The following PHACTR1 variants were observed in gnomAD, a reference collection of about 807,000 sequenced individuals.
PHACTR1 encodes the protein phosphatase and actin regulator 1, also known as RPEL repeat containing 1.
Under a neutral mutation model 69.2 loss-of-function variants are expected in PHACTR1, and 16 were observed. The observed-to-expected ratio is 0.23, with a 90% CI of 0.16 to 0.35. The LOEUF (loss-of-function observed/expected upper bound fraction) is 0.35. Among genes scored for constraint, PHACTR1 ranks in the 10% least tolerant of loss-of-function variants. PHACTR1 has a pLI of 1.00. For synonymous variants in PHACTR1, 312 were observed against 284.5 expected (o/e 1.10, Z -0.97); for missense variants, 510 against 734.7 (o/e 0.69, Z 3.54).
chr6:13,251,243 C>T (rs957588554), intron 10 of PHACTR1, among the ~76,000 whole-genome samples: 3 of 152,148 alleles, frequency 2.0e-5, no homozygotes, highest in Non-Finnish European at 4.4e-5. Context: ...CATAGGCGGG[C>T]GCTCTCCTAG....
chr6:13,256,722 C>A (rs1010656067), intron 10 of PHACTR1, among the ~76,000 whole-genome samples: 1 of 152,212 alleles, frequency 6.6e-6, no homozygotes, highest in African/African-American at 2.4e-5. Flanking sequence ...ACAGAAGTGA[C>A]CTTTGCCCCA....
chr6:12,850,355 T>C (rs1779712250), intron 4 of PHACTR1, among the ~76,000 whole-genome samples: 3 of 152,266 alleles, frequency 2.0e-5, no homozygotes, highest in Admixed American at 2.0e-4. Flanking sequence ...CGCGTGCAGA[T>C]GCAAAGTCCT....
chr6:13,068,904 T>G (rs1490843521), intron 5 of PHACTR1, among the ~76,000 whole-genome samples: 1 of 152,082 alleles, frequency 6.6e-6, no homozygotes, highest in Non-Finnish European at 1.5e-5. Flanking sequence ...TGGAGCGACC[T>G]TCTACTTTAC....
chr6:12,735,244 C>T (rs476337), intron 3 of PHACTR1, among the ~76,000 whole-genome samples: 94,221 of 151,988 alleles, frequency 0.62, 29,536 homozygotes, highest in East Asian at 0.92. Flanking sequence ...TTGCAACTGA[C>T]CTTCCCCAAA....
intron 7 of PHACTR1, among the ~76,000 whole-genome samples, chr6:13,196,021 T>C (rs1192397111): frequency 6.6e-6 from 1 of 152,108 alleles, no homozygotes; most frequent in Non-Finnish European, 1.5e-5. Context: ...CTGGAACTGG[T>C]CGTTTTTGCT....
At chr6:13,171,582 G>T (rs1485454978) in intron 6 of PHACTR1, among the ~76,000 whole-genome samples, 1 of 152,192 alleles carries the variant, frequency 6.6e-6, no homozygotes, top group Admixed American at 6.5e-5. Flanking sequence ...GCTACGTGTG[G>T]TGGTGGAGCA....
intron 6 of PHACTR1, among the ~76,000 whole-genome samples, chr6:13,164,052 T>C (rs866520742): frequency 6.6e-6 from 1 of 152,060 alleles, no homozygotes; most frequent in African/African-American, 2.4e-5. Context: ...TGTCTGAGGA[T>C]TTAAAAAGTA....
At chr6:13,224,820 C>G (rs866862952) in intron 8 of PHACTR1, among the ~76,000 whole-genome samples, 3 of 152,178 alleles carry the variant, frequency 2.0e-5, no homozygotes, top group South Asian at 2.1e-4. Context: ...CTCTTAGATC[C>G]GAGTTTTAGA....
intron 4 of PHACTR1, among the ~76,000 whole-genome samples, chr6:12,853,196 A>C (rs1780000061): frequency 6.6e-6 from 1 of 152,168 alleles, no homozygotes; most frequent in Admixed American, 6.5e-5. Flanking sequence ...ATAAAAAACA[A>C]TCCTGGGCTC....
intron 4 of PHACTR1, among the ~76,000 whole-genome samples, chr6:12,908,404 T>C (rs1478480007): frequency 6.6e-6 from 1 of 152,060 alleles, no homozygotes; most frequent in Non-Finnish European, 1.5e-5. Context: ...ATAAATAGGA[T>C]GGAAAGCTTG....
chr6:13,128,294 A>C (rs1331528106), intron 5 of PHACTR1, among the ~76,000 whole-genome samples: 1 of 105,038 alleles, frequency 9.5e-6, no homozygotes, highest in African/African-American at 3.2e-5. Context: ...CAAACTAAAA[A>C]AAAAATCTGA....
At position 13,261,806 on chromosome 6, in the gene PHACTR1, G is replaced by A. The variant is rs957046020; in HGVS notation, c.1392-11054G>A. The stretch of plus-strand genomic sequence containing the variant: ...GGAAGTGATACTGAAGCTTTAAGCT[G>A]TAACGTTAGGGATTATTGTCAGTTA... On this transcript the variant is annotated intron_variant, in intron 10 of 14. Coordinates refer to ENST00000332995, the MANE Select transcript of PHACTR1 (RefSeq NM_030948.6). 2.6e-5 allele frequency among the ~76,000 whole-genome samples: 4 copies of A among 152,248 alleles called. No homozygotes were observed. The East Asian group carries it at 7.7e-4, about 29-fold the overall frequency.
chr6:13,234,352 A>T (rs1363542617), intron 10 of PHACTR1, among the ~76,000 whole-genome samples: 1 of 152,264 alleles, frequency 6.6e-6, no homozygotes, highest in East Asian at 1.9e-4. Context: ...AAGAATGTAG[A>T]CATGTGCTGT....
chr6:12,722,690 G>C (rs1381681960), intron 3 of PHACTR1, among the ~76,000 whole-genome samples: 2 of 152,150 alleles, frequency 1.3e-5, no homozygotes, highest in Non-Finnish European at 2.9e-5. Context: ...TTTTCCCCTG[G>C]TTGGACCTCA....
chr6:13,142,492 GA>G (rs1583556409), intron 5 of PHACTR1, among the ~76,000 whole-genome samples: 1 of 152,174 alleles, frequency 6.6e-6, no homozygotes, highest in East Asian at 1.9e-4. Context: ...CCAGGGTCAT[GA>G]AGATTTACAC....
At chr6:13,204,644 C>T (rs550481450) in intron 7 of PHACTR1, among the ~76,000 whole-genome samples, 3 of 152,290 alleles carry the variant, frequency 2.0e-5, no homozygotes, top group East Asian at 3.9e-4. Flanking sequence ...GTTCCAGCAG[C>T]CTGGAATCCC....
At chr6:12,990,142 G>C (rs1054925914) in intron 4 of PHACTR1, among the ~76,000 whole-genome samples, 4 of 152,144 alleles carry the variant, frequency 2.6e-5, no homozygotes, top group Admixed American at 6.5e-5. Context: ...GTTTTCTAAG[G>C]TCTTATGAGA....
At chr6:12,935,152 A>G (rs1789298186) in intron 4 of PHACTR1, among the ~76,000 whole-genome samples, 2 of 152,252 alleles carry the variant, frequency 1.3e-5, no homozygotes, top group Admixed American at 1.3e-4. Context: ...CTAAGAGCCT[A>G]TAATTTAATG....
intron 3 of PHACTR1, among the ~76,000 whole-genome samples, chr6:12,745,382 A>G (rs922076511): frequency 6.6e-6 from 1 of 152,188 alleles, no homozygotes; most frequent in African/African-American, 2.4e-5. Flanking sequence ...CCAAGTCAGG[A>G]GTCATATTTA....
Sources: allele counts gnomAD v4.1 joint callset (sites outside exome capture counted in the v4.1 genomes callset), GRCh38; gene constraint gnomAD v4.1.1; transcripts MANE v1.5; gene names NCBI Gene and HGNC (gene_info 2026-07-23, HGNC 2026-07-21).